SPAG9: variants seen among roughly 807,000 people sequenced by gnomAD.
The protein encoded by SPAG9 is C-Jun-amino-terminal kinase-interacting protein 4.
In SPAG9, 35 loss-of-function variants were observed where a neutral mutation model predicts 166.5. The observed-to-expected ratio is 0.21, with a 90% CI of 0.16 to 0.28. SPAG9 has a LOEUF of 0.28. Ranked by LOEUF, SPAG9 falls within the 10% of genes least tolerant of loss-of-function variation. The pLI is 1.00. For missense variants in SPAG9, 1,235 were observed against 1,603.3 expected, an observed-to-expected ratio of 0.77 and a Z score of 3.92; for synonymous variants, 534 against 565.5, an observed-to-expected ratio of 0.94 and a Z score of 0.79.
chr17:51,004,187 T>C (rs975116870), intron 12 of SPAG9, among the ~76,000 whole-genome samples: 6 of 152,220 alleles, frequency 3.9e-5, no homozygotes, highest in East Asian at 1.9e-4. Flanking sequence ...AAATGATAAA[T>C]ATAGGATAGC....
intron 9 of SPAG9, among the ~76,000 whole-genome samples, chr17:51,010,582 A>ATATAT (rs1555638958): frequency 8.4e-5 from 11 of 130,642 alleles, no homozygotes; most frequent in Non-Finnish European, 1.3e-4. Context: ...AAAAAAAAAA[A>ATATAT]ATATATATAT....
At chr17:51,036,721 A>T (rs2046599608) in intron 5 of SPAG9, among the ~76,000 whole-genome samples, 1 of 151,958 alleles carries the variant, frequency 6.6e-6, no homozygotes, top group South Asian at 2.1e-4. Flanking sequence ...CTGACTCTCT[A>T]CACCAGGCTA....
chr17:51,101,661 T>C (rs140924476), intron 1 of SPAG9, among the ~76,000 whole-genome samples: 162 of 152,244 alleles, frequency 1.1e-3, no homozygotes, highest in African/African-American at 3.7e-3. Flanking sequence ...TTCACTATTG[T>C]TGCCCAGGCT....
At chr17:51,059,131 CA>C (rs1261808420) in intron 2 of SPAG9, among the ~76,000 whole-genome samples, 1 of 152,064 alleles carries the variant, frequency 6.6e-6, no homozygotes, top group African/African-American at 2.4e-5. Context: ...AGGAAAGAAG[CA>C]GAAACAAAAG....
At chr17:50,990,859 C>T (rs1975484666) in intron 19 of SPAG9, 191 bp from the exon 20 acceptor site, 1 of 556,760 alleles carries the variant, frequency 1.8e-6, no homozygotes, top group Admixed American at 3.2e-5. Flanking sequence ...TAAGAAAATA[C>T]TTCTATTAAC....
intron 2 of SPAG9, among the ~76,000 whole-genome samples, chr17:51,077,374 G>A (rs992071604): frequency 1.3e-5 from 2 of 151,724 alleles, no homozygotes; most frequent in Non-Finnish European, 2.9e-5. Context: ...CGCCCGCCTC[G>A]ACCTCCCAAA....
At chr17:51,037,961 G>A (rs540261659) in intron 5 of SPAG9, among the ~76,000 whole-genome samples, 7 of 152,108 alleles carry the variant, frequency 4.6e-5, no homozygotes, top group South Asian at 2.1e-4. Context: ...CCCCCGGTAC[G>A]AAATTCCTGT....
rs886545997 is a variant in SPAG9 at position 50,963,234 on chromosome 17, C to A, written c.*3038G>T. On this transcript the variant is annotated 3_prime_UTR_variant, in exon 30 of 30. Coordinates refer to ENST00000262013, the MANE Select transcript of SPAG9 (RefSeq NM_001130528.3). ...GTACACTTTTTTTGTACAGTGAGAT[C>A]AACCCAAAGTACGCAAGCCTCTTCT... The A allele has an allele frequency of 6.6e-6, 1 of 152,172 alleles. No individual in the cohort carries two copies. Among genetic ancestry groups the A allele is most frequent in the African/African-American group, 2.4e-5 (1 of 41,432 alleles). 9.4% of individuals were successfully genotyped at this position (152,172 alleles called of 1,614,324 possible). A position where few individuals can be genotyped will look rare whatever the true frequency, so the allele number is the denominator to read the frequency against.
intron 18 of SPAG9, 55 bp downstream of exon 18, chr17:50,995,000 GAA>G: frequency 7.1e-7 from 1 of 1,400,924 alleles, no homozygotes; most frequent in Non-Finnish European, 9.7e-7. Context: ...AATTTTGGAT[GAA>G]AGAGTTAAAC....
chr17:50,999,217 G>A (rs1290481839), intron 14 of SPAG9, among the ~76,000 whole-genome samples: 1 of 152,042 alleles, frequency 6.6e-6, no homozygotes, highest in Non-Finnish European at 1.5e-5. Context: ...AGTACTTCTA[G>A]CACAAACATA....
chr17:51,094,248 T>C (rs2048551941), intron 1 of SPAG9, among the ~76,000 whole-genome samples: 1 of 152,212 alleles, frequency 6.6e-6, no homozygotes, highest in South Asian at 2.1e-4. Flanking sequence ...AGTGTCTCAC[T>C]TTTAAAACAT....
At chr17:51,016,338 G>A (rs986574594) in intron 8 of SPAG9, 1 of 152,260 alleles carries the variant, frequency 6.6e-6, no homozygotes, top group African/African-American at 2.4e-5. Context: ...TACAACAGAG[G>A]AGAAAGGTGA....
rs1224165959 is a variant in SPAG9, at chr17:50,990,527, C to T, written c.2540G>A (p.Cys847Tyr). 1 of 1,614,224 alleles carries T rather than the reference C, an allele frequency of 6.2e-7. No homozygotes were observed. The highest frequency in any genetic ancestry group is 8.5e-7 in the Non-Finnish European group (1 of 1,180,028). ...SLLGGITVVG[C>Y]SAEGVTGAAT... Reference sequence around the variant, plus strand: ...AGCTCCCGTCACACCTTCTGCAGAACAACCAACCACTGTGATGCCTCCTAA... The same window carrying T: ...AGCTCCCGTCACACCTTCTGCAGAATAACCAACCACTGTGATGCCTCCTAA... Residue 847 changes from cysteine to tyrosine, a missense_variant, in exon 20 of 30, where the codon TGT becomes TAT. By Grantham distance (194) the Cys-to-Tyr change is radical (BLOSUM62 -2). This residue lies in a region of SPAG9 where 493 missense variants were observed against 559.4 expected (regional missense o/e 0.88). Coordinates refer to ENST00000262013, the MANE Select transcript of SPAG9 (RefSeq NM_001130528.3).
At position 51,043,471 on chromosome 17, in the gene SPAG9, C is replaced by T. The variant is rs150538080; in HGVS notation, c.591-1820G>A. 3.2e-4 allele frequency among the ~76,000 whole-genome samples: 49 copies of T among 152,214 alleles called. 1 individual carries two copies. In the East Asian group the frequency reaches 9.5e-3, roughly 29 times the overall value. On this transcript the variant is annotated intron_variant, in intron 4 of 29. Transcript: ENST00000262013. ...AATGACTGACCCTTATTTTAAATTACATCTTTTCTTCTTCTTTGATTTTAA... is the reference window on the plus strand; with the variant it reads ...AATGACTGACCCTTATTTTAAATTATATCTTTTCTTCTTCTTTGATTTTAA...
At chr17:51,051,802 T>G (rs2047192932) in intron 3 of SPAG9, among the ~76,000 whole-genome samples, 1 of 152,180 alleles carries the variant, frequency 6.6e-6, no homozygotes, top group Non-Finnish European at 1.5e-5. Flanking sequence ...GCAAATCATT[T>G]TATAGACTCT....
intron 22 of SPAG9, among the ~76,000 whole-genome samples, chr17:50,986,261 CAG>C (rs1975041739): frequency 6.6e-6 from 1 of 152,122 alleles, no homozygotes; most frequent in African/African-American, 2.4e-5. Context: ...TATTTTACGA[CAG>C]GGGAGATTTA....
chr17:51,024,745 T>G lies in SPAG9; in HGVS notation c.784-3380A>C, dbSNP rs527671840. Among the ~76,000 whole-genome samples, 8 of 150,680 alleles carry G rather than the reference T, an allele frequency of 5.3e-5. No individual in the cohort carries two copies. In the East Asian group the frequency reaches 1.4e-3, roughly 26 times the overall value. On this transcript the variant is annotated intron_variant, in intron 6 of 29. Coordinates refer to ENST00000262013, the MANE Select transcript of SPAG9 (RefSeq NM_001130528.3). ...AAAAAAAAAATTGTACAATACTTCA[T>G]GTATGCCTGTAATCCCAGCTACTTC...
Position 51,120,659 on chromosome 17 carries a change from T to C in SPAG9, c.-3A>G. 6.3e-7 allele frequency: 1 copy of C among 1,587,386 alleles called. No homozygotes were observed. The highest frequency in any genetic ancestry group is 8.6e-7 in the Non-Finnish European group (1 of 1,167,456). On this transcript the variant is annotated 5_prime_UTR_variant, in exon 1 of 30. Coordinates refer to ENST00000262013, the MANE Select transcript of SPAG9 (RefSeq NM_001130528.3). The surrounding 1 kb of genome is among the most constrained non-coding windows in gnomAD (Gnocchi z 4.7). ...ACCACACCGTCCTCCAGCTCCATGG[T>C]GGCAAGCGGACGGGCGGGCGGCCCG...
chr17:51,105,279 A>C (rs962408820), intron 1 of SPAG9, among the ~76,000 whole-genome samples: 1 of 152,192 alleles, frequency 6.6e-6, no homozygotes, highest in African/African-American at 2.4e-5. Flanking sequence ...CGTAGGTAAG[A>C]GGAAAGCCAA....
Sources: allele counts gnomAD v4.1 joint callset (sites outside exome capture counted in the v4.1 genomes callset), GRCh38; gene constraint gnomAD v4.1.1; regional missense constraint gnomAD v4.1.1; non-coding constraint Gnocchi (gnomAD v3.1); transcripts MANE v1.5; gene names NCBI Gene and HGNC (gene_info 2026-07-23, HGNC 2026-07-21).